The following GOLGA2 variants were observed in gnomAD, a reference collection of about 807,000 sequenced individuals.
The protein encoded by GOLGA2 is golgin A2, also known as golgin subfamily A member 2.
Under a neutral mutation model 148.8 loss-of-function variants are expected in GOLGA2, and 49 were observed. The ratio of observed to expected loss-of-function variants is 0.33; its 90% confidence interval spans 0.26 to 0.42. The LOEUF is 0.42. GOLGA2 is among the 10% of genes least tolerant of loss of function. The pLI is 1.00. For synonymous variants in GOLGA2, 501 were observed against 511.8 expected, an observed-to-expected ratio of 0.98 and a Z score of 0.28; for missense variants, 1,178 against 1,304.6, an observed-to-expected ratio of 0.90 and a Z score of 1.49.
intron 12 of GOLGA2, among the ~76,000 whole-genome samples, chr9:128,264,767 A>G (rs765298543): frequency 3.3e-5 from 5 of 152,160 alleles, no homozygotes; most frequent in Non-Finnish European, 7.3e-5. Flanking sequence ...GCCCAGAGAG[A>G]TCAGATAATA....
In GOLGA2 at chr9:128,266,941, C is replaced by G. The variant is rs2131368162; in HGVS notation, c.642+253G>C. ...AGGCTAGCGCTTCCCCAAGAGGCAA[C>G]AACCCCAGGGCGTGTGTGGCAAGGA... On this transcript the variant is annotated intron_variant, in intron 8 of 26. Transcript: ENST00000611957. This position sits in a 1 kb window ranked among gnomAD's most constrained non-coding sequence, Gnocchi z 4.2. 1.7e-6 allele frequency: 1 copy of G among 576,454 alleles called. No homozygotes were observed. 35.7% of individuals were successfully genotyped at this position (576,454 alleles called of 1,614,324 possible). A position where few individuals can be genotyped will look rare whatever the true frequency, so the allele number is the denominator to read the frequency against.
In GOLGA2 at chr9:128,260,415, G is replaced by T; in HGVS notation, c.1758+50C>A. ...CCCACTTTACAGGTGGGAAAACAAAGGTCTGGAGGGCTAGGGAGGAGGGCG... is the reference window on the plus strand; with the variant it reads ...CCCACTTTACAGGTGGGAAAACAAATGTCTGGAGGGCTAGGGAGGAGGGCG... On this transcript the variant is annotated intron_variant, in intron 18 of 26. Transcript: ENST00000611957. The surrounding 1 kb of genome is among the most constrained non-coding windows in gnomAD (Gnocchi z 4.8). 6.8e-7 allele frequency: 1 copy of T among 1,464,744 alleles called. No homozygotes were observed. Among genetic ancestry groups the T allele is most frequent in the Non-Finnish European group, 9.5e-7 (1 of 1,056,596 alleles). 90.7% of individuals were successfully genotyped at this position (1,464,744 alleles called of 1,614,324 possible).
rs972195226 is a variant in GOLGA2, at chr9:128,267,501, T to A, written c.518A>T (p.Asn173Ile). The A allele has an allele frequency of 6.2e-7, 1 of 1,613,118 alleles. No individual in the cohort carries two copies. The highest frequency in any genetic ancestry group is 8.5e-7 in the Non-Finnish European group (1 of 1,179,072). The change falls in exon 7 of 27, where the codon AAT becomes ATT. Residue 173 changes from asparagine to isoleucine, a missense_variant. Coordinates refer to ENST00000611957, the MANE Select transcript of GOLGA2 (RefSeq NM_001366244.2). ...GLVCESATCVNGEGPASSANL... is the reference protein window; with the variant it reads ...GLVCESATCVIGEGPASSANL... The stretch of plus-strand genomic sequence containing the variant: ...AGCAGACGATGCAGGGCCCTCCCCA[T>A]TGACACATGTCGCAGACTATAAGAG...
rs562373182 is a variant in GOLGA2, at chr9:128,263,941, G to T, written c.934-849C>A. Among the ~76,000 whole-genome samples the T allele has an allele frequency of 2.7e-5, 4 of 149,894 alleles. No homozygotes were observed. In the East Asian group the frequency reaches 8.4e-4, roughly 31 times the overall value. On this transcript the variant is annotated intron_variant, in intron 12 of 26. Transcript: ENST00000611957. ...GGAGGCCGAGGGGGACGGATTACGA[G>T]ATCAGGGGATCGAGACCATCCTGGC... is the stretch of plus-strand genomic sequence containing the variant.
Position 128,258,574 on chromosome 9 carries a change from T to C in GOLGA2, c.2174-4A>G, listed in dbSNP as rs754680745. The C allele has an allele frequency of 5.8e-6, 9 of 1,554,850 alleles. No individual in the cohort carries two copies. The highest frequency in any genetic ancestry group is 7.0e-6 in the Non-Finnish European group (8 of 1,149,776). Reference sequence around the variant, plus strand: ...TCCTCCCGGTCCAGTCCATCTCCTATGGGGGTGGCCAGAGGGGTCATCAGA... The same window carrying C: ...TCCTCCCGGTCCAGTCCATCTCCTACGGGGGTGGCCAGAGGGGTCATCAGA... On this transcript the variant is annotated splice_region_variant and splice_polypyrimidine_tract_variant and intron_variant, in intron 21 of 26. Transcript: ENST00000611957. The surrounding 1 kb of genome is among the most constrained non-coding windows in gnomAD (Gnocchi z 6.6).
chr9:128,259,591 C>T (rs1830127542), intron 19 of GOLGA2, among the ~76,000 whole-genome samples, 200 bp from the exon 20 acceptor site: 1 of 152,346 alleles, frequency 6.6e-6, no homozygotes, highest in Non-Finnish European at 1.5e-5. Context: ...ACCATTTAAA[C>T]CGTAGGCCAC....
chr9:128,269,963 C>G (rs117756478), intron 3 of GOLGA2, among the ~76,000 whole-genome samples: 1,608 of 152,200 alleles, frequency 0.011, 17 homozygotes, highest in Non-Finnish European at 0.016. Context: ...ATGCCTACAA[C>G]TGAATCTAAT....
Position 128,266,054 on chromosome 9 carries a change from G to A in GOLGA2, c.682-34C>T. 6.3e-7 allele frequency: 1 copy of A among 1,577,302 alleles called. No homozygotes were observed. The highest frequency in any genetic ancestry group is 8.7e-7 in the Non-Finnish European group (1 of 1,146,442). ...AGAGGAAGACAGAGCTCTTACGAGG[G>A]GGAGGCAGAGACGGCACAGCAAGGG... On this transcript the variant is annotated intron_variant, in intron 9 of 26. Transcript: ENST00000611957. This position sits in a 1 kb window ranked among gnomAD's most constrained non-coding sequence, Gnocchi z 4.2.
Position 128,271,261 on chromosome 9 carries a change from G to A in GOLGA2, c.288+1524C>T, listed in dbSNP as rs768985170. On this transcript the variant is annotated intron_variant, in intron 3 of 26. Transcript: ENST00000611957. The surrounding 1 kb of genome is among the most constrained non-coding windows in gnomAD (Gnocchi z 4.4). ...AGCCGTACCACTCAGCGTCTCCTCT[G>A]AGCTGGCAAGGTGAGTCACAGCACC... Among the ~76,000 whole-genome samples, 9 of 152,168 alleles carry A rather than the reference G, an allele frequency of 5.9e-5. No homozygotes were observed. Among genetic ancestry groups the A allele is most frequent in the Non-Finnish European group, 8.8e-5 (6 of 68,030 alleles).
At position 128,263,103 on chromosome 9, in the gene GOLGA2, A is replaced by G; in HGVS notation, c.934-11T>C. On this transcript the variant is annotated splice_polypyrimidine_tract_variant and intron_variant, in intron 12 of 26. Transcript: ENST00000611957. ...TAACTCCTTGTTGTACTGTAAATAC[A>G]GAAAGGTTAAGTCAGGATATAGCAG... The G allele has an allele frequency of 6.3e-7, 1 of 1,592,228 alleles. No individual in the cohort carries two copies.
In GOLGA2 at chr9:128,266,500, CTT is replaced by C; in HGVS notation, c.643-177_643-176del. On this transcript the variant is annotated intron_variant, in intron 8 of 26. Transcript: ENST00000611957. This position sits in a 1 kb window ranked among gnomAD's most constrained non-coding sequence, Gnocchi z 4.2. ...GCTCTCAAGGAAAGGGGATTTGTGTCTTTGTTGGTTTTTGCCCACAGCCACAG... is the reference window on the plus strand; with the variant it reads ...GCTCTCAAGGAAAGGGGATTTGTGTCTGTTGGTTTTTGCCCACAGCCACAG... The C allele has an allele frequency of 1.6e-6, 1 of 621,642 alleles. No individual in the cohort carries two copies. Among genetic ancestry groups the C allele is most frequent in the South Asian group, 1.9e-5 (1 of 51,846 alleles). 38.5% of individuals were successfully genotyped at this position (621,642 alleles called of 1,614,324 possible).
In GOLGA2 at chr9:128,273,882, T is replaced by C. The variant is rs772620916; in HGVS notation, c.175A>G (p.Thr59Ala). ...GGTGAGTGGCAACCACCAGAAGTGG[T>C]TGTCTCAGGGTTACTGCCATTTTTT... ...KIKNGSNPET[T>A]TSGGCHSPED... Residue 59 changes from threonine (T) to alanine (A), a missense_variant, in exon 2 of 27, where the codon ACC (threonine) becomes GCC (alanine). Around this residue, in one of 5 missense-constraint regions of GOLGA2, gnomAD observed 158 missense variants for 156.6 expected, o/e 1.01. Coordinates refer to ENST00000611957, the MANE Select transcript of GOLGA2 (RefSeq NM_001366244.2). The C allele has an allele frequency of 4.9e-5, 79 of 1,613,978 alleles. No homozygotes were observed. The highest frequency in any genetic ancestry group is 6.7e-5 in the Admixed American group (4 of 60,000).
intron 2 of GOLGA2, among the ~76,000 whole-genome samples, chr9:128,273,221 T>C (rs751150564): frequency 2.0e-5 from 3 of 152,048 alleles, no homozygotes; most frequent in Non-Finnish European, 4.4e-5. Flanking sequence ...AAACCAGACT[T>C]CTGAGTAAGG....
rs1830167794 is a variant in GOLGA2 at position 128,260,193 on chromosome 9, G to A, written c.1759-4C>T. ...TGATCTCCATGTTCTCATTAGTCTG[G>A]ACAGAGAGAAGCAATCAGCGGCCAC... On this transcript the variant is annotated splice_region_variant and splice_polypyrimidine_tract_variant and intron_variant, in intron 18 of 26. Transcript: ENST00000611957. This position sits in a 1 kb window ranked among gnomAD's most constrained non-coding sequence, Gnocchi z 4.8. 2 of 1,593,838 alleles carry A rather than the reference G, an allele frequency of 1.3e-6. No individual in the cohort carries two copies. Among genetic ancestry groups the A allele is most frequent in the East Asian group, 4.5e-5 (2 of 44,822 alleles).
intron 12 of GOLGA2, among the ~76,000 whole-genome samples, chr9:128,264,758 C>G (rs1038865689): frequency 2.6e-5 from 4 of 152,116 alleles, no homozygotes; most frequent in Admixed American, 1.3e-4. Flanking sequence ...CTAACAGAGG[C>G]CCAGAGAGAT....
In GOLGA2 at chr9:128,257,050, C is replaced by G. The variant is rs776405454; in HGVS notation, c.*17G>C. On this transcript the variant is annotated 3_prime_UTR_variant, in exon 27 of 27. Coordinates refer to ENST00000611957, the MANE Select transcript of GOLGA2 (RefSeq NM_001366244.2). This position sits in a 1 kb window ranked among gnomAD's most constrained non-coding sequence, Gnocchi z 8.0. Reference sequence around the variant, plus strand: ...TCCAGCCCCACTTCTTCAGGCTTTGCTGACAGTAGCCGGCTTTTAGATGAC... The same window carrying G: ...TCCAGCCCCACTTCTTCAGGCTTTGGTGACAGTAGCCGGCTTTTAGATGAC... 1.9e-6 allele frequency: 3 copies of G among 1,591,550 alleles called. No individual in the cohort carries two copies. The African/African-American group carries it at 4.0e-5, about 21-fold the overall frequency.
intron 1 of GOLGA2, chr9:128,275,328 G>C: frequency 9.4e-7 from 1 of 1,066,076 alleles, no homozygotes; most frequent in Non-Finnish European, 1.3e-6. Flanking sequence ...AACTAATTAC[G>C]GTTCCGAGGG....
At chr9:128,274,253 T>C (rs1044886502) in intron 1 of GOLGA2, among the ~76,000 whole-genome samples, 1 of 152,180 alleles carries the variant, frequency 6.6e-6, no homozygotes, top group Non-Finnish European at 1.5e-5. Context: ...GAGGTACTTT[T>C]CCACCTCTCA....
rs367833728 is a variant in GOLGA2 at position 128,267,528 on chromosome 9, C to T, written c.502-11G>A. The T allele has an allele frequency of 6.9e-6, 11 of 1,603,762 alleles. No individual in the cohort carries two copies. In the East Asian group the frequency reaches 8.9e-5, roughly 13 times the overall value. ...GACACATGTCGCAGACTATAAGAGA[C>T]GAGAGTGCACATGGAGATGTTCTGT... On this transcript the variant is annotated splice_polypyrimidine_tract_variant and intron_variant, in intron 6 of 26. Coordinates refer to ENST00000611957, the MANE Select transcript of GOLGA2 (RefSeq NM_001366244.2).
Sources: gnomAD v4.1 joint callset for allele counts (sites outside exome capture counted in the v4.1 genomes callset) on GRCh38, gnomAD v4.1.1 for gene constraint, gnomAD v4.1.1 regional missense constraint, Gnocchi (gnomAD v3.1) non-coding constraint, MANE v1.5 for transcripts, NCBI Gene and HGNC (gene_info 2026-07-23, HGNC 2026-07-21) for gene names.